TMEM108: variants seen among roughly 807,000 people sequenced by gnomAD.
The protein encoded by TMEM108 is transmembrane protein 108.
In TMEM108, 12 loss-of-function variants were observed where a neutral mutation model predicts 35.1. That is an observed-to-expected ratio of 0.34 (90% CI 0.22 to 0.55). The LOEUF is 0.55. Ranked by LOEUF, TMEM108 falls within the 20% of genes least tolerant of loss-of-function variation. The pLI is 0.89. For synonymous variants in TMEM108, 287 were observed against 308.6 expected, an observed-to-expected ratio of 0.93 and a Z score of 0.73; for missense variants, 680 against 753.3, an observed-to-expected ratio of 0.90 and a Z score of 1.14.
intron 3 of TMEM108, among the ~76,000 whole-genome samples, chr3:133,287,871 C>T (rs1680450731): frequency 6.6e-6 from 1 of 152,124 alleles, no homozygotes. Flanking sequence ...CAAGAGCAAG[C>T]AAATTCAGAA....
At chr3:133,288,324 G>T (rs1947013381) in intron 3 of TMEM108, among the ~76,000 whole-genome samples, 1 of 152,236 alleles carries the variant, frequency 6.6e-6, no homozygotes, top group African/African-American at 2.4e-5. Context: ...CAGGAGTTAA[G>T]ATAGATGGAT....
intron 2 of TMEM108, among the ~76,000 whole-genome samples, chr3:133,099,864 C>G (rs1274017026): frequency 1.3e-5 from 2 of 152,200 alleles, no homozygotes; most frequent in Admixed American, 6.5e-5. Context: ...TCCAAACTTT[C>G]TCACATTTTT....
At chr3:133,131,998 C>A (rs1944497375) in intron 2 of TMEM108, among the ~76,000 whole-genome samples, 1 of 152,104 alleles carries the variant, frequency 6.6e-6, no homozygotes, top group Non-Finnish European at 1.5e-5. Flanking sequence ...GAGTAAGGTA[C>A]TAACTCTTTT....
intron 3 of TMEM108, among the ~76,000 whole-genome samples, chr3:133,296,901 G>T (rs1276403178): frequency 6.6e-6 from 1 of 152,200 alleles, no homozygotes; most frequent in African/African-American, 2.4e-5. Flanking sequence ...GTACTAGCCA[G>T]TGAGAATGAT....
intron 2 of TMEM108, among the ~76,000 whole-genome samples, chr3:133,106,992 T>C (rs1028889688): frequency 6.6e-6 from 1 of 152,204 alleles, no homozygotes; most frequent in Admixed American, 6.5e-5. Flanking sequence ...AGCATGGGGT[T>C]TAAAAGAGTA....
rs368298267 is a variant in TMEM108 at position 133,157,578 on chromosome 3, C to G, written c.-46-71688C>G. 5.3e-5 allele frequency among the ~76,000 whole-genome samples: 8 copies of G among 152,026 alleles called. No homozygotes were observed. The East Asian group carries it at 1.3e-3, about 26-fold the overall frequency. The stretch of plus-strand genomic sequence containing the variant: ...TTTTCTCACTTAGAGAAAATTGGAC[C>G]CATTTTAGAACATGTGGCCATAAAC... On this transcript the variant is annotated intron_variant, in intron 2 of 5. Transcript: ENST00000321871.
intron 3 of TMEM108, among the ~76,000 whole-genome samples, chr3:133,288,302 C>T (rs1375372910): frequency 6.6e-6 from 1 of 152,210 alleles, no homozygotes; most frequent in East Asian, 1.9e-4. Context: ...AACCTCACTG[C>T]ATCCAAAGCA....
At chr3:133,262,248 G>A (rs1946634903) in intron 3 of TMEM108, among the ~76,000 whole-genome samples, 1 of 152,156 alleles carries the variant, frequency 6.6e-6, no homozygotes, top group Non-Finnish European at 1.5e-5. Flanking sequence ...ATATTCACTT[G>A]CTTATAATTT....
At chr3:133,224,722 G>A (rs57191086) in intron 2 of TMEM108, among the ~76,000 whole-genome samples, 2,111 of 152,144 alleles carry the variant, frequency 0.014, 55 homozygotes, top group African/African-American at 0.048. Context: ...TCCATTAAAC[G>A]TCTTTTTCTT....
intron 2 of TMEM108, among the ~76,000 whole-genome samples, chr3:133,169,122 C>T (rs2107788266): frequency 6.6e-6 from 1 of 152,370 alleles, no homozygotes; most frequent in Admixed American, 6.5e-5. Flanking sequence ...ATTCCAGACA[C>T]ACTACTCCCA....
chr3:133,132,488 A>G (rs1409653836), intron 2 of TMEM108, among the ~76,000 whole-genome samples: 1 of 152,216 alleles, frequency 6.6e-6, no homozygotes, highest in Non-Finnish European at 1.5e-5. Flanking sequence ...AGCATGGTTT[A>G]CTGAACGACT....
At chr3:133,356,679 G>A (rs541036889) in intron 3 of TMEM108, among the ~76,000 whole-genome samples, 4 of 151,980 alleles carry the variant, frequency 2.6e-5, no homozygotes, top group Non-Finnish European at 4.4e-5. Context: ...AATACCTACA[G>A]CCAACTGATC....
At chr3:133,099,643 T>G (rs147920898) in intron 2 of TMEM108, among the ~76,000 whole-genome samples, 1 of 152,298 alleles carries the variant, frequency 6.6e-6, no homozygotes, top group African/African-American at 2.4e-5. Context: ...CCAGATACCC[T>G]AAATCATCTC....
Position 133,245,477 on chromosome 3 carries a change from C to G in TMEM108, c.40+16126C>G, listed in dbSNP as rs190706058. On this transcript the variant is annotated intron_variant, in intron 3 of 5. Coordinates refer to ENST00000321871, the MANE Select transcript of TMEM108 (RefSeq NM_023943.4). ...CTCCCCACAGCAGTTCCCCTCACCA[C>G]TCAGCATAAACACATCACCCAGTCT... Among the ~76,000 whole-genome samples, 5 of 152,338 alleles carry G rather than the reference C, an allele frequency of 3.3e-5. No individual in the cohort carries two copies. The East Asian group carries it at 5.8e-4, about 18-fold the overall frequency.
intron 1 of TMEM108, among the ~76,000 whole-genome samples, chr3:133,039,593 A>T (rs934335464): frequency 2.0e-5 from 3 of 152,218 alleles, no homozygotes; most frequent in Admixed American, 2.0e-4. Flanking sequence ...CAGACAGCTC[A>T]TAGGCAAACA....
rs921408653 is a variant in TMEM108, at chr3:133,368,553, C to T, written c.41-11199C>T. ...TCAGCTTTCTCCTGCCTCACTCTGG[C>T]CTGTGGGATGTGTGTGCATTTGATG... On this transcript the variant is annotated intron_variant, in intron 3 of 5. Coordinates refer to ENST00000321871, the MANE Select transcript of TMEM108 (RefSeq NM_023943.4). Among the ~76,000 whole-genome samples the T allele has an allele frequency of 7.6e-4, 116 of 152,214 alleles. 1 individual carries two copies. Among genetic ancestry groups the T allele is most frequent in the Non-Finnish European group, 2.1e-4 (14 of 68,026 alleles).
intron 2 of TMEM108, among the ~76,000 whole-genome samples, chr3:133,062,120 A>G (rs1445722095): frequency 6.6e-6 from 1 of 152,230 alleles, no homozygotes; most frequent in African/African-American, 2.4e-5. Flanking sequence ...TCTAGGAGAA[A>G]AGGTCACTAA....
intron 2 of TMEM108, among the ~76,000 whole-genome samples, chr3:133,069,038 G>C (rs1943645418): frequency 6.6e-6 from 1 of 152,158 alleles, no homozygotes; most frequent in Admixed American, 6.6e-5. Flanking sequence ...GGAAGGCTGG[G>C]AAATGAATTT....
At chr3:133,390,754 A>G (rs2073223320) in intron 5 of TMEM108, among the ~76,000 whole-genome samples, 2 of 146,416 alleles carry the variant, frequency 1.4e-5, no homozygotes, top group African/African-American at 5.0e-5. Flanking sequence ...ACAAACACAG[A>G]CGAGTTATAG....
Sources: gnomAD v4.1 joint callset for allele counts (sites outside exome capture counted in the v4.1 genomes callset) on GRCh38, gnomAD v4.1.1 for gene constraint, MANE v1.5 for transcripts, NCBI Gene and HGNC (gene_info 2026-07-23, HGNC 2026-07-21) for gene names.